The following SPATA6 variants were observed in gnomAD, a reference collection of about 807,000 sequenced individuals.
The protein encoded by SPATA6 is spermatogenesis-associated protein 6.
SPATA6 carries 56 observed loss-of-function variants against 65.3 expected under a neutral mutation model. The observed-to-expected ratio is 0.86, with a 90% CI of 0.69 to 1.07. The LOEUF (loss-of-function observed/expected upper bound fraction) is 1.07. SPATA6 is among the 50% of genes least tolerant of loss of function. The pLI, the probability that SPATA6 is intolerant of heterozygous loss-of-function variation, is 0.00. For missense variants in SPATA6, 590 were observed against 594.8 expected (o/e 0.99, Z 0.08); for synonymous variants, 199 against 213.2 (o/e 0.93, Z 0.58).
At chr1:48,387,516 G>C (rs1425350739) in intron 8 of SPATA6, among the ~76,000 whole-genome samples, 1 of 152,162 alleles carries the variant, frequency 6.6e-6, no homozygotes, top group African/African-American at 2.4e-5. Context: ...CCAGCCCCAA[G>C]TAGCAGGGCA....
the SPATA6 span, among the ~76,000 whole-genome samples, chr1:48,267,665 T>G: frequency 6.6e-6 from 1 of 151,618 alleles, no homozygotes; most frequent in Non-Finnish European, 1.5e-5. Context: ...ACTCTGCTCC[T>G]CTTGATATCC....
chr1:48,316,841 AAAC>A (rs1231319989), intron 11 of SPATA6, among the ~76,000 whole-genome samples: 2 of 152,148 alleles, frequency 1.3e-5, no homozygotes, highest in Admixed American at 1.3e-4. Flanking sequence ...TACAAGAAAA[AAAC>A]AACCCCATCA....
chr1:48,326,279 C>T (rs1418619235), intron 11 of SPATA6, among the ~76,000 whole-genome samples: 1 of 152,046 alleles, frequency 6.6e-6, no homozygotes, highest in African/African-American at 2.4e-5. Context: ...CAGAAATATA[C>T]CTAAGAATAC....
At chr1:48,367,827 G>C (rs1647077836) in intron 9 of SPATA6, among the ~76,000 whole-genome samples, 1 of 152,128 alleles carries the variant, frequency 6.6e-6, no homozygotes, top group Non-Finnish European at 1.5e-5. Context: ...GTGTGAATTT[G>C]ATCCTGTCAT....
At position 48,439,543 on chromosome 1, in the gene SPATA6, G is replaced by A. The variant is rs536223769; in HGVS notation, c.238+12009C>T. Among the ~76,000 whole-genome samples, 26 of 152,254 alleles carry A rather than the reference G, an allele frequency of 1.7e-4. No individual in the cohort carries two copies. In the South Asian group the frequency reaches 4.8e-3, roughly 28 times the overall value. On this transcript the variant is annotated intron_variant, in intron 3 of 12. Transcript: ENST00000371847. ...TCAGCAGGGTCCAGGGACCATTTGG[G>A]TTCTTGGGCAAGAAGAGTTTCTGCT... is the stretch of plus-strand genomic sequence containing the variant.
At chr1:48,331,162 G>A (rs1348096795) in intron 11 of SPATA6, among the ~76,000 whole-genome samples, 1 of 152,152 alleles carries the variant, frequency 6.6e-6, no homozygotes, top group Non-Finnish European at 1.5e-5. Flanking sequence ...AACCCAAAAA[G>A]CCAGAGTGCC....
the SPATA6 span, among the ~76,000 whole-genome samples, chr1:48,273,306 ATTT>A: frequency 7.2e-5 from 11 of 151,862 alleles, no homozygotes; most frequent in Non-Finnish European, 1.6e-4. Flanking sequence ...GTCCAATTTT[ATTT>A]TTTGTTTTGG....
rs147700132 is a variant in SPATA6 at position 48,467,136 on chromosome 1, G to A, written c.51+4822C>T. The stretch of plus-strand genomic sequence containing the variant: ...ATGTCATTCTCCAAAGACTCATTGA[G>A]AAAAGTCACTTTCCTCTTAGCAATA... On this transcript the variant is annotated intron_variant, in intron 1 of 12. Coordinates refer to ENST00000371847, the MANE Select transcript of SPATA6 (RefSeq NM_019073.4). Among the ~76,000 whole-genome samples the A allele has an allele frequency of 5.3e-3, 802 of 152,200 alleles. 20 individuals carry two copies. Among genetic ancestry groups the A allele is most frequent in the South Asian group, 0.05 (243 of 4,824 alleles).
chr1:48,391,026 A>G (rs1044264625), intron 8 of SPATA6, among the ~76,000 whole-genome samples: 1 of 152,106 alleles, frequency 6.6e-6, no homozygotes, highest in African/African-American at 2.4e-5. Context: ...TCTTCTGTAC[A>G]AGTCTAATAT....
At chr1:48,267,230 C>A in the SPATA6 span, among the ~76,000 whole-genome samples, 1 of 152,104 alleles carries the variant, frequency 6.6e-6, no homozygotes, top group Non-Finnish European at 1.5e-5. Context: ...GTGAGGCGGG[C>A]ACCGACCCCA....
At chr1:48,301,777 G>A (rs575820546) in intron 12 of SPATA6, among the ~76,000 whole-genome samples, 1 of 152,228 alleles carries the variant, frequency 6.6e-6, no homozygotes, top group Admixed American at 6.5e-5. Context: ...ATACATTGGG[G>A]AAAGGACAGT....
In SPATA6 at chr1:48,359,619, C is replaced by T; in HGVS notation, c.1061G>A (p.Ser354Asn). 2 of 1,613,532 alleles carry T rather than the reference C, an allele frequency of 1.2e-6. No homozygotes were observed. The highest frequency in any genetic ancestry group is 1.7e-6 in the Non-Finnish European group (2 of 1,179,630). ...GAGAGAAGCTCTATTTAACACAGGG[C>T]TTGGAGAATGCTTTGGCATTGTTGA... ...APSTMPKHSP[S>N]PVLNRASLRE... Residue 354 changes from serine (S) to asparagine (N), a missense_variant, in exon 10 of 13, where the codon AGC (serine) becomes AAC (asparagine). By Grantham distance (46) the Ser-to-Asn change is conservative. Coordinates refer to ENST00000371847, the MANE Select transcript of SPATA6 (RefSeq NM_019073.4).
chr1:48,315,440 G>C (rs376987454), intron 11 of SPATA6, among the ~76,000 whole-genome samples: 5 of 151,908 alleles, frequency 3.3e-5, no homozygotes, highest in Non-Finnish European at 5.9e-5. Flanking sequence ...AGACAAAAAC[G>C]ACATGATTAT....
At chr1:48,381,146 C>T (rs561803172) in intron 9 of SPATA6, among the ~76,000 whole-genome samples, 1 of 152,250 alleles carries the variant, frequency 6.6e-6, no homozygotes, top group South Asian at 2.1e-4. Flanking sequence ...CACTCACCTG[C>T]CACTCACCTC....
chr1:48,364,733 A>T (rs4462195), intron 9 of SPATA6, among the ~76,000 whole-genome samples: 148,924 of 152,306 alleles, frequency 0.98, 72,893 homozygotes, highest in East Asian at 1. Flanking sequence ...GAAAATTTTC[A>T]CCCATTTTGT....
At chr1:48,425,316 T>G (rs770762693) in intron 3 of SPATA6, among the ~76,000 whole-genome samples, 1 of 152,168 alleles carries the variant, frequency 6.6e-6, no homozygotes, top group Non-Finnish European at 1.5e-5. Context: ...TATGGATTTG[T>G]TTCTGGGTTC....
chr1:48,359,821 A>G (rs766486479), intron 9 of SPATA6, 51 bp from the exon 10 acceptor site: 50 of 1,387,594 alleles, frequency 3.6e-5, no homozygotes, highest in Non-Finnish European at 4.7e-5. Context: ...ATACATATGT[A>G]TATAACATAT....
intron 11 of SPATA6, among the ~76,000 whole-genome samples, chr1:48,352,779 T>G (rs1331268384): frequency 4.6e-5 from 7 of 151,784 alleles, no homozygotes; most frequent in African/African-American, 1.7e-4. Context: ...AAAACTACTA[T>G]GTCAAATAGC....
intron 11 of SPATA6, among the ~76,000 whole-genome samples, chr1:48,309,944 T>C (rs1645159264): frequency 6.6e-6 from 1 of 152,182 alleles, no homozygotes; most frequent in South Asian, 2.1e-4. Context: ...AGCCTTAAGG[T>C]AGGCTGGAAT....
Sources: gnomAD v4.1 joint callset for allele counts (sites outside exome capture counted in the v4.1 genomes callset) on GRCh38, gnomAD v4.1.1 for gene constraint, MANE v1.5 for transcripts, NCBI Gene and HGNC (gene_info 2026-07-23, HGNC 2026-07-21) for gene names.